Variants in MINDY4 observed in about 807,000 individuals in gnomAD.
MINDY4 encodes probable ubiquitin carboxyl-terminal hydrolase MINDY-4.
In MINDY4, 68 loss-of-function variants were observed where a neutral mutation model predicts 87.0. The ratio of observed to expected loss-of-function variants is 0.78; its 90% CI spans 0.64 to 0.96. The LOEUF (loss-of-function observed/expected upper bound fraction) is 0.96, where lower values mean the gene tolerates loss of function less well. Ranked by LOEUF, MINDY4 falls within the 40% of genes least tolerant of loss-of-function variation. The probability of loss-of-function intolerance (pLI) is 0.00; values close to 1 mark genes in which losing one functional copy is unlikely to be tolerated. For missense variants in MINDY4, 919 were observed against 928.2 expected (o/e 0.99, Z 0.13); for synonymous variants, 379 against 363.2 (o/e 1.04, Z -0.50).
At chr7:30,865,175 T>C (rs1384179370) in intron 13 of MINDY4, among the ~76,000 whole-genome samples, 1 of 152,164 alleles carries the variant, frequency 6.6e-6, no homozygotes, top group Non-Finnish European at 1.5e-5. Context: ...GCTTTGTGGC[T>C]CACTTGCCCT....
chr7:30,884,411 G>T (rs935674834), intron 17 of MINDY4, among the ~76,000 whole-genome samples: 1 of 152,186 alleles, frequency 6.6e-6, no homozygotes, highest in East Asian at 1.9e-4. Context: ...CCTGCAGGTC[G>T]CTTTCCTTTC....
At chr7:30,854,245 C>T (rs1332374144) in intron 12 of MINDY4, among the ~76,000 whole-genome samples, 1 of 152,218 alleles carries the variant, frequency 6.6e-6, no homozygotes, top group Non-Finnish European at 1.5e-5. Context: ...CCTCACTTTC[C>T]TCATTTGTAA....
At chr7:30,804,746 C>T (rs1227116641) in intron 5 of MINDY4, among the ~76,000 whole-genome samples, 2 of 152,210 alleles carry the variant, frequency 1.3e-5, no homozygotes, top group Non-Finnish European at 2.9e-5. Context: ...ACAAAATGAC[C>T]AAGCAGTCTG....
chr7:30,782,283 C>T (rs1787028289), intron 3 of MINDY4, 71 bp downstream of exon 3: 5 of 1,159,200 alleles, frequency 4.3e-6, no homozygotes, highest in Non-Finnish European at 6.2e-6. Context: ...TACTTCATGG[C>T]TGTTTCAGTC....
Position 30,882,376 on chromosome 7 carries a change from C to A in MINDY4, c.2152+15C>A. 1.3e-6 allele frequency: 2 copies of A among 1,489,836 alleles called. No homozygotes were observed. Among genetic ancestry groups the A allele is most frequent in the Admixed American group, 2.0e-5 (1 of 49,524 alleles). The allele number at this position is 1,489,836 out of a possible 1,614,324, so 92.3% of individuals were successfully genotyped here. Reference sequence around the variant, plus strand: ...GCTGACCATTGGTGCGGGCCCTCACCCCCCCACCCACCCAACCCTGTCCCC... The same window carrying A: ...GCTGACCATTGGTGCGGGCCCTCACACCCCCACCCACCCAACCCTGTCCCC... On this transcript the variant is annotated intron_variant, in intron 16 of 17. Transcript: ENST00000265299.
intron 10 of MINDY4, among the ~76,000 whole-genome samples, chr7:30,851,116 G>T (rs1160064556): frequency 6.6e-6 from 1 of 152,222 alleles, no homozygotes; most frequent in African/African-American, 2.4e-5. Flanking sequence ...CACATGCAAG[G>T]TTTGCTGGGT....
In MINDY4 at chr7:30,867,811, G is replaced by A. The variant is rs185155131; in HGVS notation, c.1746-4432G>A. Among the ~76,000 whole-genome samples, 466 of 152,302 alleles carry A rather than the reference G, an allele frequency of 3.1e-3. 2 individuals carry two copies. Among genetic ancestry groups the A allele is most frequent in the African/African-American group, 0.011 (441 of 41,560 alleles). On this transcript the variant is annotated intron_variant, in intron 13 of 17. Coordinates refer to ENST00000265299, the MANE Select transcript of MINDY4 (RefSeq NM_032222.3). ...TGCCCTAGTGGTCAGGTGGAGGGGGGATAGCTGGTTGGGTCTCCCCAGGGT... is the reference window on the plus strand; with the variant it reads ...TGCCCTAGTGGTCAGGTGGAGGGGGAATAGCTGGTTGGGTCTCCCCAGGGT...
intron 2 of MINDY4, chr7:30,779,537 C>T (rs957845061): frequency 6.6e-6 from 1 of 152,132 alleles, no homozygotes; most frequent in African/African-American, 2.4e-5. Context: ...ATGTGGAAGT[C>T]CAATATGCAA....
At chr7:30,872,765 C>T (rs567858410) in intron 14 of MINDY4, among the ~76,000 whole-genome samples, 40 of 152,348 alleles carry the variant, frequency 2.6e-4, no homozygotes, top group Non-Finnish European at 4.9e-4. Flanking sequence ...CTCAATGGAC[C>T]TCACAGGGGC....
At chr7:30,887,899 G>A (rs1239039505) in intron 17 of MINDY4, among the ~76,000 whole-genome samples, 1 of 152,230 alleles carries the variant, frequency 6.6e-6, no homozygotes, top group African/African-American at 2.4e-5. Context: ...GGATACCCAC[G>A]TGGCTCATCC....
At chr7:30,889,459 A>T (rs1265371826) in intron 17 of MINDY4, among the ~76,000 whole-genome samples, 1 of 152,182 alleles carries the variant, frequency 6.6e-6, no homozygotes, top group Non-Finnish European at 1.5e-5. Context: ...ATAGGACATC[A>T]TCAGACTCCA....
chr7:30,859,224 G>A, intron 12 of MINDY4, 33 bp from the exon 13 acceptor site: 1 of 1,602,612 alleles, frequency 6.2e-7, no homozygotes. Flanking sequence ...AGGTGCAAAT[G>A]GGATGGAGCT....
At chr7:30,864,005 G>A (rs1789853095) in intron 13 of MINDY4, among the ~76,000 whole-genome samples, 1 of 152,216 alleles carries the variant, frequency 6.6e-6, no homozygotes, top group Non-Finnish European at 1.5e-5. Context: ...AGCATGGGCT[G>A]CTCTGGTGCC....
At chr7:30,853,983 C>G (rs537788013) in intron 12 of MINDY4, among the ~76,000 whole-genome samples, 4 of 152,120 alleles carry the variant, frequency 2.6e-5, no homozygotes, top group African/African-American at 9.7e-5. Flanking sequence ...GGAGCCCCCC[C>G]GCCTGCCAGA....
At position 30,859,216 on chromosome 7, in the gene MINDY4, G is replaced by A. The variant is rs1034433581; in HGVS notation, c.1678-41G>A. ...GAGGTGTGGGGCTGGGAAGAGGGAG[G>A]TGCAAATGGGATGGAGCTCATTTTT... On this transcript the variant is annotated intron_variant, in intron 12 of 17. Transcript: ENST00000265299. 6 of 1,584,402 alleles carry A rather than the reference G, an allele frequency of 3.8e-6. No individual in the cohort carries two copies. The Admixed American group carries it at 5.0e-5, about 13-fold the overall frequency.
Position 30,859,247 on chromosome 7 carries a change from C to A in MINDY4, c.1678-10C>A. On this transcript the variant is annotated splice_polypyrimidine_tract_variant and intron_variant, in intron 12 of 17. Coordinates refer to ENST00000265299, the MANE Select transcript of MINDY4 (RefSeq NM_032222.3). ...ATGGGATGGAGCTCATTTTTCTCTC[C>A]CCCTCCCAGTTTGAAGTGGGCCCCT... 1 of 1,613,736 alleles carries A rather than the reference C, an allele frequency of 6.2e-7. No homozygotes were observed. The highest frequency in any genetic ancestry group is 8.5e-7 in the Non-Finnish European group (1 of 1,179,648).
chr7:30,783,336 G>C (rs756894148), intron 3 of MINDY4, among the ~76,000 whole-genome samples: 1 of 152,016 alleles, frequency 6.6e-6, no homozygotes, highest in Admixed American at 6.5e-5. Flanking sequence ...GGACCCCTGT[G>C]ATTACATTGG....
chr7:30,785,457 T>A (rs1474059970), intron 3 of MINDY4, among the ~76,000 whole-genome samples: 10 of 152,202 alleles, frequency 6.6e-5, no homozygotes. Flanking sequence ...ATCATTCAGG[T>A]CTGGAAGACT....
chr7:30,823,582 T>C (rs1788405793), intron 5 of MINDY4, among the ~76,000 whole-genome samples: 1 of 152,232 alleles, frequency 6.6e-6, no homozygotes, highest in Admixed American at 6.5e-5. Flanking sequence ...GCATTTACTC[T>C]TCAAAACTGC....
Sources: allele counts gnomAD v4.1 joint callset (sites outside exome capture counted in the v4.1 genomes callset), GRCh38; gene constraint gnomAD v4.1.1; transcripts MANE v1.5; gene names NCBI Gene and HGNC (gene_info 2026-07-23, HGNC 2026-07-21).